The following NCOA6 variants were observed in gnomAD, a reference collection of about 807,000 sequenced individuals.
NCOA6 encodes nuclear receptor coactivator 6.
Under a neutral mutation model 171.4 loss-of-function variants are expected in NCOA6, and 49 were observed. The ratio of observed to expected loss-of-function variants is 0.29; its 90% CI spans 0.23 to 0.36. The LOEUF is 0.36. Ranked by LOEUF, NCOA6 falls within the 10% of genes least tolerant of loss-of-function variation. The probability of loss-of-function intolerance (pLI) is 1.00; values close to 1 mark genes in which losing one functional copy is unlikely to be tolerated. For missense variants in NCOA6, 2,248 were observed against 2,554.5 expected (o/e 0.88, Z 2.59); for synonymous variants, 910 against 927.5 (o/e 0.98, Z 0.34).
At chr20:34,813,290 AC>A (rs1462069766) in intron 1 of NCOA6, among the ~76,000 whole-genome samples, 1 of 151,792 alleles carries the variant, frequency 6.6e-6, no homozygotes, top group Non-Finnish European at 1.5e-5. Context: ...ACATGGTGAA[AC>A]CCTGTCTCTA....
chr20:34,772,573 T>C (rs999507491), intron 4 of NCOA6, among the ~76,000 whole-genome samples: 1 of 152,264 alleles, frequency 6.6e-6, no homozygotes, highest in Middle Eastern at 3.4e-3. Flanking sequence ...TGAGACTTTG[T>C]AACCAGAGCT....
At chr20:34,785,436 A>G (rs892973297) in intron 2 of NCOA6, among the ~76,000 whole-genome samples, 1 of 151,280 alleles carries the variant, frequency 6.6e-6, no homozygotes, top group Non-Finnish European at 1.5e-5. Flanking sequence ...CAATTTTTTT[A>G]AAAATTAAAA....
At chr20:34,770,016 G>C (rs2077097797) in intron 4 of NCOA6, among the ~76,000 whole-genome samples, 3 of 151,382 alleles carry the variant, frequency 2.0e-5, no homozygotes, top group Non-Finnish European at 1.5e-5. Context: ...AGTTTCCTCT[G>C]TTCTGTCACT....
intron 9 of NCOA6, among the ~76,000 whole-genome samples, chr20:34,748,819 A>G (rs1286005468): frequency 1.3e-5 from 2 of 152,198 alleles, no homozygotes; most frequent in African/African-American, 4.8e-5. Context: ...CAAAAAAACC[A>G]TTTCTATTTG....
chr20:34,821,791 GTTAGCCAGGA>G (rs1327847525), intron 1 of NCOA6, among the ~76,000 whole-genome samples: 4 of 152,056 alleles, frequency 2.6e-5, no homozygotes, highest in Non-Finnish European at 5.9e-5. Flanking sequence ...GTTTCACCAT[GTTAGCCAGGA>G]TGGTCTCGAT....
intron 1 of NCOA6, among the ~76,000 whole-genome samples, chr20:34,796,577 G>A (rs1568867616): frequency 6.6e-6 from 1 of 152,132 alleles, no homozygotes; most frequent in Admixed American, 6.5e-5. Context: ...AGCTGTGATT[G>A]TGCCACTGAG....
In NCOA6 at chr20:34,750,325, T is replaced by C; in HGVS notation, c.1870A>G (p.Met624Val). Residue 624 changes from methionine to valine, a missense_variant, in exon 9 of 15, where the codon ATG becomes GTG. Met to Val is a conservative substitution (Grantham distance 21). Around this residue, in one of 7 missense-constraint regions of NCOA6, gnomAD observed 987 missense variants for 1,104.7 expected, o/e 0.89. Transcript: ENST00000359003. Reference protein sequence around the residue: ...QQGPPSQLMGMHQQIVPSQGQ... With the variant: ...QQGPPSQLMGVHQQIVPSQGQ... ...TGGGAGGGCACGATTTGCTGGTGCA[T>C]GCCCATCAGCTGAGATGGTGGGCCC... 1 of 1,614,008 alleles carries C rather than the reference T, an allele frequency of 6.2e-7. No homozygotes were observed. Among genetic ancestry groups the C allele is most frequent in the Middle Eastern group, 1.6e-4 (1 of 6,062 alleles).
chr20:34,783,495 A>C (rs1251046778), intron 2 of NCOA6, among the ~76,000 whole-genome samples: 1 of 152,226 alleles, frequency 6.6e-6, no homozygotes, highest in African/African-American at 2.4e-5. Context: ...TCACATACTT[A>C]ACCCAAAAGT....
chr20:34,825,121 CT>C (rs979307372), intron 1 of NCOA6, among the ~76,000 whole-genome samples: 1 of 152,106 alleles, frequency 6.6e-6, no homozygotes, highest in African/African-American at 2.4e-5. Flanking sequence ...CGGCTCCCGC[CT>C]GTTCCCCAGG....
chr20:34,766,484 C>T (rs955046982), intron 5 of NCOA6, among the ~76,000 whole-genome samples: 1 of 151,884 alleles, frequency 6.6e-6, no homozygotes, highest in Non-Finnish European at 1.5e-5. Context: ...AAAAATAAGC[C>T]GGGTGTGGTA....
At chr20:34,805,736 T>C (rs4911446) in intron 1 of NCOA6, among the ~76,000 whole-genome samples, 5,954 of 151,786 alleles carry the variant, frequency 0.039, 336 homozygotes, top group East Asian at 0.23. Context: ...GGCCCCAGAC[T>C]AGTATGCAGT....
chr20:34,794,549 T>C (rs1234528334), intron 1 of NCOA6, among the ~76,000 whole-genome samples: 2 of 151,972 alleles, frequency 1.3e-5, no homozygotes, highest in Admixed American at 1.3e-4. Context: ...GTCTGTGTAC[T>C]GACACAAAAA....
intron 2 of NCOA6, 144 bp downstream of exon 2, chr20:34,792,306 G>T: frequency 2.7e-6 from 1 of 370,222 alleles, no homozygotes; most frequent in Non-Finnish European, 4.8e-6. Flanking sequence ...CAGAAGAATA[G>T]CATCTGTATT....
intron 4 of NCOA6, among the ~76,000 whole-genome samples, chr20:34,770,634 T>TC (rs1436060156): frequency 4.0e-5 from 6 of 151,750 alleles, no homozygotes; most frequent in Non-Finnish European, 5.9e-5. Flanking sequence ...AGGCCAAACT[T>TC]CTTTTTTTTT....
chr20:34,818,550 G>A (rs1343559620), intron 1 of NCOA6, among the ~76,000 whole-genome samples: 1 of 152,062 alleles, frequency 6.6e-6, no homozygotes, highest in African/African-American at 2.4e-5. Flanking sequence ...TCCAAGCAAA[G>A]TGGACTCTTT....
At chr20:34,804,805 C>T (rs1568881404) in intron 1 of NCOA6, among the ~76,000 whole-genome samples, 1 of 151,972 alleles carries the variant, frequency 6.6e-6, no homozygotes, top group Non-Finnish European at 1.5e-5. Flanking sequence ...AATTAATTAG[C>T]ACATCCATCA....
chr20:34,724,785 C>CA (rs956162013), intron 14 of NCOA6, among the ~76,000 whole-genome samples: 1 of 151,630 alleles, frequency 6.6e-6, no homozygotes, highest in Non-Finnish European at 1.5e-5. Context: ...GTGGTAAAGA[C>CA]AGAGACTTTT....
At chr20:34,807,296 C>G (rs1568885034) in intron 1 of NCOA6, among the ~76,000 whole-genome samples, 1 of 152,142 alleles carries the variant, frequency 6.6e-6, no homozygotes, top group Non-Finnish European at 1.5e-5. Context: ...TATTCCCCAG[C>G]CAAGCGCTAA....
rs908449586 is a variant in NCOA6 at position 34,757,243 on chromosome 20, T to C, written c.1505A>G (p.Gln502Arg). Residue 502 changes from glutamine (Q) to arginine (R), a missense_variant, in exon 7 of 15, where the codon CAG (glutamine) becomes CGG (arginine). Around this residue, in one of 7 missense-constraint regions of NCOA6, gnomAD observed 987 missense variants for 1,104.7 expected, o/e 0.89. Transcript: ENST00000359003. ...ACCTCCTAGGCCTGGATGTAAACTC[T>C]GTGGCCCCTGGTTTGGTGGTTGCTG... ...MQQQPPNQGP[Q>R]SLHPGLGGMP... 1.3e-6 allele frequency: 2 copies of C among 1,599,320 alleles called. No homozygotes were observed. Among genetic ancestry groups the C allele is most frequent in the African/African-American group, 2.7e-5 (2 of 74,872 alleles).
Sources: gnomAD v4.1 joint callset for allele counts (sites outside exome capture counted in the v4.1 genomes callset) on GRCh38, gnomAD v4.1.1 for gene constraint, gnomAD v4.1.1 regional missense constraint, MANE v1.5 for transcripts, NCBI Gene and HGNC (gene_info 2026-07-23, HGNC 2026-07-21) for gene names.